Variants in FRA10AC1 observed in about 807,000 individuals in gnomAD.
FRA10AC1 encodes the protein FRA10A associated CGG repeat 1, also known as protein FRA10AC1.
In FRA10AC1, 43 loss-of-function variants were observed where a neutral mutation model predicts 56.5. The ratio of observed to expected loss-of-function variants is 0.76; its 90% CI spans 0.60 to 0.98. The LOEUF (loss-of-function observed/expected upper bound fraction) is 0.98, where lower values mean the gene tolerates loss of function less well. Ranked by LOEUF, FRA10AC1 falls within the 50% of genes least tolerant of loss-of-function variation. The pLI is 0.00. For missense variants in FRA10AC1, 346 were observed against 351.8 expected, an observed-to-expected ratio of 0.98 and a Z score of 0.13; for synonymous variants, 112 against 110.5, an observed-to-expected ratio of 1.01 and a Z score of -0.09.
intron 10 of FRA10AC1, among the ~76,000 whole-genome samples, chr10:93,682,435 A>C (rs1243830565): frequency 2.0e-5 from 3 of 152,252 alleles, no homozygotes; most frequent in African/African-American, 7.2e-5. Context: ...GTCAAGGTCA[A>C]AACAAATCCC....
Position 93,669,804 on chromosome 10 carries a change from G to A in FRA10AC1, c.*22C>T. Reference sequence around the variant, plus strand: ...ACTTCATGAAGTTTCACATTAAGGAGCGGAGGCTTCTCTCTCTCGTCTCAT... The same window carrying A: ...ACTTCATGAAGTTTCACATTAAGGAACGGAGGCTTCTCTCTCTCGTCTCAT... On this transcript the variant is annotated 3_prime_UTR_variant, in exon 14 of 14. Transcript: ENST00000359204. The A allele has an allele frequency of 6.6e-7, 1 of 1,517,450 alleles. No individual in the cohort carries two copies. Among genetic ancestry groups the A allele is most frequent in the Non-Finnish European group, 9.0e-7 (1 of 1,108,334 alleles). The allele number at this position is 1,517,450 out of a possible 1,614,324, so 94.0% of individuals were successfully genotyped here. A position where few individuals can be genotyped will look rare whatever the true frequency, so the allele number is the denominator to read the frequency against.
At chr10:93,693,224 GA>G (rs200536077) in intron 5 of FRA10AC1, among the ~76,000 whole-genome samples, 23 of 144,068 alleles carry the variant, frequency 1.6e-4, no homozygotes, top group Non-Finnish European at 2.6e-4. Flanking sequence ...AAAAAAAAAG[GA>G]AAAAAAAAAG....
Position 93,698,193 on chromosome 10 carries a change from A to T in FRA10AC1, c.174-12T>A. 6.4e-7 allele frequency: 1 copy of T among 1,571,608 alleles called. No homozygotes were observed. The highest frequency in any genetic ancestry group is 8.7e-7 in the Non-Finnish European group (1 of 1,150,420). ...TTCTTGCTTCTTCCCTGTTAAAACA[A>T]ATTTTTTTAAGAAAATTCAAAATGT... On this transcript the variant is annotated splice_polypyrimidine_tract_variant and intron_variant, in intron 3 of 13. Transcript: ENST00000359204.
intron 6 of FRA10AC1, 78 bp from the exon 7 acceptor site, chr10:93,692,171 T>G: frequency 1.1e-6 from 1 of 920,388 alleles, no homozygotes. Context: ...TGTCAAAGAA[T>G]ACATACTACA....
At chr10:93,676,414 G>A (rs1023823416) in intron 12 of FRA10AC1, among the ~76,000 whole-genome samples, 1 of 151,950 alleles carries the variant, frequency 6.6e-6, no homozygotes, top group Non-Finnish European at 1.5e-5. Flanking sequence ...TATATCCATT[G>A]TATTTACTGG....
chr10:93,687,511 T>C (rs1001719586), intron 7 of FRA10AC1, 62 bp from the exon 8 acceptor site: 6 of 1,367,196 alleles, frequency 4.4e-6, no homozygotes, highest in Admixed American at 2.7e-5. Context: ...AATCTAAACA[T>C]GGAGCCAACA....
chr10:93,691,930 T>C, intron 7 of FRA10AC1, 79 bp downstream of exon 7: 1 of 1,386,474 alleles, frequency 7.2e-7, no homozygotes, highest in South Asian at 1.4e-5. Flanking sequence ...AAAAGAATAA[T>C]GTGGGGCATG....
Position 93,693,627 on chromosome 10 carries a change from C to CACCATATATATACACACCATATATATAT in FRA10AC1, c.297-926_297-899dup, listed in dbSNP as rs1554896356. Among the ~76,000 whole-genome samples, 21 of 60,190 alleles carry CACCATATATATACACACCATATATATAT rather than the reference C, an allele frequency of 3.5e-4. 1 individual carries two copies. The highest frequency in any genetic ancestry group is 9.4e-4 in the Non-Finnish European group (16 of 16,988). 39.5% of individuals were successfully genotyped at this position (60,190 alleles called of 152,430 possible). A position where few individuals can be genotyped will look rare whatever the true frequency, so the allele number is the denominator to read the frequency against. The stretch of plus-strand genomic sequence containing the variant: ...TATATACACACCATATATATATACA[C>CACCATATATATACACACCATATATATAT]ACCATATATATACACACCATATATA... On this transcript the variant is annotated intron_variant, in intron 5 of 13. Transcript: ENST00000359204.
chr10:93,687,313 GTA>G lies in FRA10AC1; in HGVS notation c.511+89_511+90del, dbSNP rs1160890707. 19 of 1,000,214 alleles carry G rather than the reference GTA, an allele frequency of 1.9e-5. No individual in the cohort carries two copies. In the Admixed American group the frequency reaches 5.4e-4, roughly 28 times the overall value. 62.0% of individuals were successfully genotyped at this position (1,000,214 alleles called of 1,614,324 possible). A position where few individuals can be genotyped will look rare whatever the true frequency, so the allele number is the denominator to read the frequency against. ...TTACTTTTGTAGCTAATAATTTCTT[GTA>G]TATGTTAGGAATGATCTTAATGACT... On this transcript the variant is annotated intron_variant, in intron 8 of 13. Transcript: ENST00000359204.
At chr10:93,678,737 G>A (rs2058883828) in intron 11 of FRA10AC1, among the ~76,000 whole-genome samples, 1 of 151,904 alleles carries the variant, frequency 6.6e-6, no homozygotes, top group South Asian at 2.1e-4. Flanking sequence ...GGGAGGCTGA[G>A]AAAGGAGGAT....
At chr10:93,685,164 AT>A (rs1468458588) in intron 9 of FRA10AC1, 81 bp downstream of exon 9, 1 of 706,440 alleles carries the variant, frequency 1.4e-6, no homozygotes, top group Non-Finnish European at 2.4e-6. Context: ...TAAAAATTGC[AT>A]TTGAATTTTA....
rs922125024 is a variant in FRA10AC1, at chr10:93,698,196, T to C, written c.174-15A>G. Reference sequence around the variant, plus strand: ...TTGCTTCTTCCCTGTTAAAACAAATTTTTTTAAGAAAATTCAAAATGTTTA... The same window carrying C: ...TTGCTTCTTCCCTGTTAAAACAAATCTTTTTAAGAAAATTCAAAATGTTTA... On this transcript the variant is annotated splice_polypyrimidine_tract_variant and intron_variant, in intron 3 of 13. Transcript: ENST00000359204. The C allele has an allele frequency of 2.6e-6, 4 of 1,568,528 alleles. No homozygotes were observed. Among genetic ancestry groups the C allele is most frequent in the Non-Finnish European group, 3.5e-6 (4 of 1,147,876 alleles).
rs770776708 is a variant in FRA10AC1, at chr10:93,692,706, T to C, written c.320A>G (p.Asp107Gly). The C allele has an allele frequency of 6.3e-7, 1 of 1,589,262 alleles. No individual in the cohort carries two copies. The highest frequency in any genetic ancestry group is 8.5e-7 in the Non-Finnish European group (1 of 1,169,812). Residue 107 changes from aspartate (D) to glycine (G), a missense_variant, in exon 6 of 14, where the codon GAT becomes GGT. Physicochemically the swap from Asp to Gly is moderately conservative, Grantham distance 94. Transcript: ENST00000359204. ...GAATCTATGATTTTCTCGTATAACA[T>C]CCAAGTCTGTCTTGTCATTTTCCCT... ...RLGENDKTDL[D>G]VIRENHRFLW...
At chr10:93,697,846 T>C (rs547807950) in intron 4 of FRA10AC1, among the ~76,000 whole-genome samples, 10 of 152,356 alleles carry the variant, frequency 6.6e-5, no homozygotes, top group Admixed American at 2.6e-4. Context: ...AAAGGAAATG[T>C]TGAAAGCTTG....
intron 8 of FRA10AC1, among the ~76,000 whole-genome samples, chr10:93,686,016 A>G (rs1028882486): frequency 3.5e-4 from 53 of 151,952 alleles, no homozygotes; most frequent in African/African-American, 1.2e-3. Context: ...CCTCCAAAAA[A>G]AGACTAACTG....
intron 10 of FRA10AC1, among the ~76,000 whole-genome samples, chr10:93,683,319 A>G (rs991510180): frequency 5.3e-5 from 8 of 152,064 alleles, no homozygotes; most frequent in African/African-American, 1.9e-4. Context: ...AATGTGGCAG[A>G]TACATTAAAG....
At position 93,694,590 on chromosome 10, in the gene FRA10AC1, T is replaced by C. The variant is rs570925220; in HGVS notation, c.296+271A>G. Among the ~76,000 whole-genome samples, 495 of 151,958 alleles carry C rather than the reference T, an allele frequency of 3.3e-3. 4 individuals carry two copies. The highest frequency in any genetic ancestry group is 0.012 in the African/African-American group (485 of 41,430). On this transcript the variant is annotated intron_variant, in intron 5 of 13. Transcript: ENST00000359204. ...TTAGCCAGGCATGGTGGCAGGAGCC[T>C]GTAATCCCAGCTACTCGGGAGCCTG...
At chr10:93,701,808 T>C (rs757180266) in intron 1 of FRA10AC1, among the ~76,000 whole-genome samples, 23 of 152,060 alleles carry the variant, frequency 1.5e-4, no homozygotes, top group Non-Finnish European at 2.4e-4. Flanking sequence ...GTAGTGTGTT[T>C]AGAGATATAT....
At chr10:93,675,091 A>C (rs1480787707) in intron 12 of FRA10AC1, 1 of 152,208 alleles carries the variant, frequency 6.6e-6, no homozygotes, top group Non-Finnish European at 1.5e-5. Context: ...AAGACACTTC[A>C]AATATGTTGA....
Sources: allele counts gnomAD v4.1 joint callset (sites outside exome capture counted in the v4.1 genomes callset), GRCh38; gene constraint gnomAD v4.1.1; transcripts MANE v1.5; gene names NCBI Gene and HGNC (gene_info 2026-07-23, HGNC 2026-07-21).